The following CELSR1 variants were observed in gnomAD, a reference collection of about 807,000 sequenced individuals.
CELSR1 encodes the protein cadherin EGF LAG seven-pass G-type receptor 1, also known as adhesion G protein-coupled receptor C1.
CELSR1 carries 110 observed loss-of-function variants against 249.1 expected under a neutral mutation model. That is an observed-to-expected ratio of 0.44 (90% CI 0.38 to 0.52). CELSR1 has a LOEUF of 0.52. CELSR1 is among the 20% of genes least tolerant of loss of function. The probability of loss-of-function intolerance (pLI) is 0.00; values close to 1 mark genes in which losing one functional copy is unlikely to be tolerated. For synonymous variants in CELSR1, 2,113 were observed against 1,900.0 expected (o/e 1.11, Z -2.92); for missense variants, 4,109 against 4,296.4 (o/e 0.96, Z 1.22).
rs551506540 is a variant in CELSR1 at position 46,451,317 on chromosome 22, G to A, written c.4184-11906C>T. On this transcript the variant is annotated intron_variant, in intron 2 of 34. Transcript: ENST00000674500. ...AGGGGAGCCCGGCACTGCAGAAGCC[G>A]CTTGTCCAGGGCTGGCCTTCTCTGC... Among the ~76,000 whole-genome samples, 432 of 152,320 alleles carry A rather than the reference G, an allele frequency of 2.8e-3. 2 individuals carry two copies. The highest frequency in any genetic ancestry group is 9.9e-3 in the African/African-American group (410 of 41,574).
intron 23 of CELSR1, 30 bp from the exon 24 acceptor site, chr22:46,377,291 G>C (rs768937591): frequency 2.4e-5 from 39 of 1,607,046 alleles, no homozygotes; most frequent in South Asian, 3.3e-5. Context: ...AGGCAGGAGA[G>C]AAGGTAAGGG....
Position 46,536,432 on chromosome 22 carries a change from T to A in CELSR1, c.739A>T (p.Met247Leu). The part of the protein sequence containing the change: ...TSGRGSLKFP[M>L]PNYQVALFEN... ...AACAACGCCACCTGGTAGTTGGGCA[T>A]CGGAAACTTCAGGCTCCCTCTGCCG... Residue 247 changes from methionine to leucine, a missense_variant, in exon 1 of 35, where the codon ATG (methionine) becomes TTG (leucine). This residue lies in a region of CELSR1 where 673 missense variants were observed against 636.8 expected (regional missense o/e 1.06). Transcript: ENST00000674500. The A allele has an allele frequency of 6.2e-7, 1 of 1,612,226 alleles. No homozygotes were observed. The highest frequency in any genetic ancestry group is 8.5e-7 in the Non-Finnish European group (1 of 1,179,632).
At chr22:46,432,171 G>C (rs1217874761) in intron 5 of CELSR1, among the ~76,000 whole-genome samples, 2 of 152,226 alleles carry the variant, frequency 1.3e-5, no homozygotes, top group Non-Finnish European at 2.9e-5. Context: ...CCTGGGAGAT[G>C]ATGGGATATT....
At chr22:46,461,243 G>A (rs1157944699) in intron 2 of CELSR1, among the ~76,000 whole-genome samples, 3 of 152,150 alleles carry the variant, frequency 2.0e-5, no homozygotes, top group Admixed American at 6.5e-5. Context: ...GATAATTTTG[G>A]TACCCAAAGA....
chr22:46,378,181 G>A (rs760515774), intron 23 of CELSR1, among the ~76,000 whole-genome samples: 3 of 152,222 alleles, frequency 2.0e-5, no homozygotes, highest in Non-Finnish European at 2.9e-5. Context: ...GAGGGAGAGC[G>A]CCCAGCAGCT....
At chr22:46,426,350 AAAC>A (rs1487114672) in intron 5 of CELSR1, among the ~76,000 whole-genome samples, 1 of 152,198 alleles carries the variant, frequency 6.6e-6, no homozygotes, top group African/African-American at 2.4e-5. Flanking sequence ...AGCGCCTTGT[AAAC>A]AACATGCATC....
At chr22:46,499,365 G>A (rs1440876980) in intron 1 of CELSR1, among the ~76,000 whole-genome samples, 3 of 152,198 alleles carry the variant, frequency 2.0e-5, no homozygotes, top group Non-Finnish European at 2.9e-5. Flanking sequence ...AGGAATCAGA[G>A]GAAGGTGAAA....
intron 1 of CELSR1, among the ~76,000 whole-genome samples, chr22:46,478,376 CAA>C (rs2080231422): frequency 6.6e-6 from 1 of 152,144 alleles, no homozygotes; most frequent in Non-Finnish European, 1.5e-5. Context: ...GATTAAACGA[CAA>C]AACAAATTTC....
chr22:46,372,045 C>CTA (rs1440342808), intron 25 of CELSR1, among the ~76,000 whole-genome samples: 1 of 149,654 alleles, frequency 6.7e-6, no homozygotes, highest in East Asian at 2.0e-4. Context: ...CTCTCCATCC[C>CTA]TATATCCATC....
intron 33 of CELSR1, 76 bp from the exon 34 acceptor site, chr22:46,364,327 G>A: frequency 1.3e-6 from 2 of 1,561,452 alleles, no homozygotes; most frequent in Non-Finnish European, 8.6e-7. Flanking sequence ...GTGCAGCTGA[G>A]CCAGCCTCAG....
At chr22:46,378,933 G>A (rs972778167) in intron 22 of CELSR1, among the ~76,000 whole-genome samples, 2 of 152,190 alleles carry the variant, frequency 1.3e-5, no homozygotes, top group East Asian at 1.9e-4. Context: ...CCACCTGGCT[G>A]TAAGAAGAGC....
In CELSR1 at chr22:46,394,181, A is replaced by G. The variant is rs1204829827; in HGVS notation, c.5925T>C (p.Asp1975=). 1.9e-6 allele frequency: 3 copies of G among 1,614,096 alleles called. No individual in the cohort carries two copies. The highest frequency in any genetic ancestry group is 2.2e-5 in the East Asian group (1 of 44,880). Residue 1975 remains aspartate, a synonymous_variant, in exon 14 of 35, where the codon GAT becomes GAC. Transcript: ENST00000674500. ...PCHCAVSKGF[D]PDCNKTNGQC... ...GGCCGTTGGTCTTATTACAGTCGGG[A>G]TCAAAGCCTTTGCTGACGGCACAGT...
intron 19 of CELSR1, among the ~76,000 whole-genome samples, chr22:46,385,986 T>TTTTTTTTTG: frequency 6.6e-6 from 1 of 150,996 alleles, no homozygotes. Flanking sequence ...TTTTTTTTTT[T>TTTTTTTTTG]TGAGATGGAG....
At chr22:46,369,284 G>GTCAGGTCGCCGAC (rs11273699) in intron 26 of CELSR1, 26 bp from the exon 27 acceptor site, 1,602,857 of 1,609,258 alleles carry the variant, frequency 1, 798,265 homozygotes, top group East Asian at 1. Context: ...GCCGATCAAT[G>GTCAGGTCGCCGAC]TCTTCTCTCT....
At position 46,390,172 on chromosome 22, in the gene CELSR1, G is replaced by A. The variant is rs1045964560; in HGVS notation, c.6345+220C>T. Among the ~76,000 whole-genome samples, 7 of 152,192 alleles carry A rather than the reference G, an allele frequency of 4.6e-5. No homozygotes were observed. Among genetic ancestry groups the A allele is most frequent in the African/African-American group, 1.7e-4 (7 of 41,440 alleles). On this transcript the variant is annotated intron_variant, in intron 17 of 34. Coordinates refer to ENST00000674500, the MANE Select transcript of CELSR1 (RefSeq NM_001378328.1). The surrounding 1 kb of genome is among the most constrained non-coding windows in gnomAD (Gnocchi z 6.3). ...AAAGACACAGAGCTGGGTCCTCTGG[G>A]GGAGAGAAGTCCACGTGGGGGTGCC...
chr22:46,414,452 T>TGTC (rs1338732829), intron 5 of CELSR1, among the ~76,000 whole-genome samples: 1 of 152,176 alleles, frequency 6.6e-6, no homozygotes, highest in Non-Finnish European at 1.5e-5. Flanking sequence ...ATCCCTCTCC[T>TGTC]GTCACCCCTG....
rs1265749423 is a variant in CELSR1 at position 46,386,399 on chromosome 22, T to C, written c.6739+3A>G. 7.0e-6 allele frequency: 11 copies of C among 1,561,252 alleles called. No homozygotes were observed. Among genetic ancestry groups the C allele is most frequent in the Non-Finnish European group, 2.6e-6 (3 of 1,152,502 alleles). On this transcript the variant is annotated splice_donor_region_variant and intron_variant, in intron 19 of 34. Transcript: ENST00000674500. ...TCCACCCCCAACGCAGCCAGCGCCT[T>C]ACTCATGTTGGCGGTGACGATGACG...
chr22:46,361,914 G>A lies in CELSR1; in HGVS notation c.*1309C>T, dbSNP rs1248810937. ...GGCCACGCTGTGCCAGCTGCCTGCA[G>A]TGGGCCCGACCTTGGTGTGAATTTC... On this transcript the variant is annotated 3_prime_UTR_variant, in exon 35 of 35. Transcript: ENST00000674500. The A allele has an allele frequency of 1.3e-5, 2 of 152,256 alleles. No individual in the cohort carries two copies. The highest frequency in any genetic ancestry group is 2.9e-5 in the Non-Finnish European group (2 of 68,052). 9.4% of individuals were successfully genotyped at this position (152,256 alleles called of 1,614,324 possible). A position where few individuals can be genotyped will look rare whatever the true frequency, so the allele number is the denominator to read the frequency against.
chr22:46,473,999 C>T lies in CELSR1; in HGVS notation c.3545-9654G>A, dbSNP rs1028100273. Among the ~76,000 whole-genome samples the T allele has an allele frequency of 3.3e-5, 5 of 152,068 alleles. No homozygotes were observed. The highest frequency in any genetic ancestry group is 6.6e-5 in the Admixed American group (1 of 15,260). On this transcript the variant is annotated intron_variant, in intron 1 of 34. Coordinates refer to ENST00000674500, the MANE Select transcript of CELSR1 (RefSeq NM_001378328.1). This position sits in a 1 kb window ranked among gnomAD's most constrained non-coding sequence, Gnocchi z 6.6. ...AGCACTTTCAGGGTTGGGTGTGCGG[C>T]GCATGTCAGGATGTCAAGCCACGAG...
Sources: gnomAD v4.1 joint callset for allele counts (sites outside exome capture counted in the v4.1 genomes callset) on GRCh38, gnomAD v4.1.1 for gene constraint, gnomAD v4.1.1 regional missense constraint, Gnocchi (gnomAD v3.1) non-coding constraint, MANE v1.5 for transcripts, NCBI Gene and HGNC (gene_info 2026-07-23, HGNC 2026-07-21) for gene names.